The following MAPK4 variants were observed in gnomAD, a reference collection of about 807,000 sequenced individuals.
MAPK4 encodes mitogen-activated protein kinase 4, also known as Erk3-related.
In MAPK4, 22 loss-of-function variants were observed where a neutral mutation model predicts 47.7. The observed-to-expected ratio is 0.46, with a 90% confidence interval of 0.33 to 0.66. The LOEUF is 0.66. Ranked by LOEUF, MAPK4 falls within the 30% of genes least tolerant of loss-of-function variation. The probability of loss-of-function intolerance (pLI) is 0.02; values close to 1 mark genes in which losing one functional copy is unlikely to be tolerated. For missense variants in MAPK4, 736 were observed against 831.7 expected, an observed-to-expected ratio of 0.88 and a Z score of 1.42; for synonymous variants, 390 against 365.7, an observed-to-expected ratio of 1.07 and a Z score of -0.76.
rs183582240 is a variant in MAPK4 at position 50,685,158 on chromosome 18, A to C, written c.546+20654A>C. ...TCTCCATTCTGCTCCCAACTCACCA[A>C]GTGACCAGGAGCAAACATTACTGCC... On this transcript the variant is annotated intron_variant, in intron 2 of 5. Coordinates refer to ENST00000400384, the MANE Select transcript of MAPK4 (RefSeq NM_002747.4). Among the ~76,000 whole-genome samples, 3 of 152,334 alleles carry C rather than the reference A, an allele frequency of 2.0e-5. No individual in the cohort carries two copies. In the East Asian group the frequency reaches 5.8e-4, roughly 29 times the overall value.
In MAPK4 at chr18:50,713,540, G is replaced by A. The variant is rs546976388; in HGVS notation, c.547-1539G>A. Among the ~76,000 whole-genome samples the A allele has an allele frequency of 4.6e-5, 7 of 152,322 alleles. No individual in the cohort carries two copies. In the East Asian group the frequency reaches 1.4e-3, roughly 29 times the overall value. On this transcript the variant is annotated intron_variant, in intron 2 of 5. Coordinates refer to ENST00000400384, the MANE Select transcript of MAPK4 (RefSeq NM_002747.4). ...AGCAGTGTTTACTGAACACTTCTTA[G>A]GAGGCATGGGGCTGGGCTATGCGCA... is the stretch of plus-strand genomic sequence containing the variant.
chr18:50,635,699 T>G (rs1301216514), intron 1 of MAPK4, among the ~76,000 whole-genome samples: 3 of 152,210 alleles, frequency 2.0e-5, no homozygotes, highest in African/African-American at 7.2e-5. Flanking sequence ...TAAGACCCCA[T>G]GCCTGGTCCA....
chr18:50,721,999 A>G lies in MAPK4; in HGVS notation c.753A>G (p.Glu251=), dbSNP rs759399423. The G allele has an allele frequency of 3.7e-6, 6 of 1,614,110 alleles. No individual in the cohort carries two copies. The South Asian group carries it at 5.5e-5, about 15-fold the overall frequency. The change falls in exon 4 of 6, where the codon GAA becomes GAG. Residue 251 remains glutamate, a synonymous_variant. Transcript: ENST00000400384. ...ILETIPVIRE[E]DKDELLRVMP... ...AGACCATCCCTGTAATCCGGGAGGA[A>G]GACAAGGACGAGCTGCTCAGGGTGA...
At chr18:50,710,621 CA>C (rs546115047) in intron 2 of MAPK4, among the ~76,000 whole-genome samples, 3 of 148,914 alleles carry the variant, frequency 2.0e-5, no homozygotes, top group Non-Finnish European at 4.5e-5. Context: ...ACTAAAAATA[CA>C]AAAAAAAATT....
intron 2 of MAPK4, among the ~76,000 whole-genome samples, chr18:50,703,609 T>C (rs1027497018): frequency 2.0e-5 from 3 of 152,140 alleles, no homozygotes; most frequent in African/African-American, 7.2e-5. Context: ...AGGTATCGAG[T>C]TGATATGTTG....
At chr18:50,652,087 T>C (rs1047203661) in intron 1 of MAPK4, among the ~76,000 whole-genome samples, 2 of 152,168 alleles carry the variant, frequency 1.3e-5, no homozygotes, top group Non-Finnish European at 2.9e-5. Context: ...CATGAGTAAG[T>C]GGGCAGTGTT....
At chr18:50,673,304 G>C (rs1908070864) in intron 2 of MAPK4, among the ~76,000 whole-genome samples, 1 of 152,138 alleles carries the variant, frequency 6.6e-6, no homozygotes, top group Non-Finnish European at 1.5e-5. Flanking sequence ...ATGCCTCAAA[G>C]GGATCAACAG....
At chr18:50,631,997 T>C (rs1050167127) in intron 1 of MAPK4, among the ~76,000 whole-genome samples, 6 of 152,230 alleles carry the variant, frequency 3.9e-5, no homozygotes, top group South Asian at 4.2e-4. Context: ...AAGTGTTAGG[T>C]GTCTGTTGCT....
intron 1 of MAPK4, among the ~76,000 whole-genome samples, chr18:50,654,818 G>A (rs1184862851): frequency 1.3e-5 from 2 of 152,210 alleles, no homozygotes; most frequent in Non-Finnish European, 2.9e-5. Flanking sequence ...TGGTGCTGGA[G>A]TTCCGACGAG....
At chr18:50,636,398 G>A (rs116032639) in intron 1 of MAPK4, among the ~76,000 whole-genome samples, 1 of 152,312 alleles carries the variant, frequency 6.6e-6, no homozygotes, top group African/African-American at 2.4e-5. Flanking sequence ...CAAAGGGCAG[G>A]GCAGCTAGGA....
chr18:50,642,870 G>A (rs927069161), intron 1 of MAPK4, among the ~76,000 whole-genome samples: 6 of 152,186 alleles, frequency 3.9e-5, no homozygotes, highest in South Asian at 4.1e-4. Flanking sequence ...CTCCCAAAAC[G>A]CTGGGATTAT....
chr18:50,705,601 A>C (rs1423340281), intron 2 of MAPK4: 4 of 152,178 alleles, frequency 2.6e-5, no homozygotes, highest in African/African-American at 9.7e-5. Context: ...ATGTACCTGG[A>C]TGTTAATAAG....
At chr18:50,594,527 A>G (rs1011593325) in intron 1 of MAPK4, among the ~76,000 whole-genome samples, 1 of 152,218 alleles carries the variant, frequency 6.6e-6, no homozygotes, top group South Asian at 2.1e-4. Context: ...TGGTGCTAGA[A>G]AAAAATGGAT....
At chr18:50,631,969 A>G (rs977958447) in intron 1 of MAPK4, among the ~76,000 whole-genome samples, 3 of 152,178 alleles carry the variant, frequency 2.0e-5, no homozygotes, top group Non-Finnish European at 4.4e-5. Flanking sequence ...CACAAAGTGA[A>G]CTTGGAAAGT....
intron 5 of MAPK4, 64 bp downstream of exon 5, chr18:50,726,239 A>G: frequency 6.6e-7 from 1 of 1,511,082 alleles, no homozygotes. Flanking sequence ...TTTTGCCTCT[A>G]ATCCTCCGTG....
chr18:50,642,151 T>G (rs751087644), intron 1 of MAPK4, among the ~76,000 whole-genome samples: 6 of 152,232 alleles, frequency 3.9e-5, no homozygotes, highest in Non-Finnish European at 8.8e-5. Context: ...CTAAGCAATA[T>G]CCCAATTAAT....
intron 1 of MAPK4, among the ~76,000 whole-genome samples, chr18:50,589,612 A>AC (rs2042419197): frequency 3.3e-5 from 5 of 151,714 alleles, no homozygotes; most frequent in African/African-American, 1.2e-4. Context: ...AAAAAAAAAA[A>AC]ATTAACTCTA....
intron 2 of MAPK4, among the ~76,000 whole-genome samples, chr18:50,672,562 C>T (rs1908019425): frequency 6.6e-6 from 1 of 152,238 alleles, no homozygotes; most frequent in African/African-American, 2.4e-5. Context: ...GCTCTTCCCT[C>T]TGTCCCTGGG....
chr18:50,715,224 G>C lies in MAPK4; in HGVS notation c.691+1G>C, dbSNP rs1213349168. ...CTTACGGGGAGAATGCTCTTTGCTGGTGAGTTGCTAACTATGCCACCTTCC... is the reference window on the plus strand; with the variant it reads ...CTTACGGGGAGAATGCTCTTTGCTGCTGAGTTGCTAACTATGCCACCTTCC... On this transcript the variant is annotated splice_donor_variant, in intron 3 of 5. Transcript: ENST00000400384. LOFTEE classifies it high-confidence loss of function. The C allele has an allele frequency of 1.2e-6, 2 of 1,613,218 alleles. No homozygotes were observed. The highest frequency in any genetic ancestry group is 2.7e-5 in the African/African-American group (2 of 74,886).
Sources: gnomAD v4.1 joint callset for allele counts (sites outside exome capture counted in the v4.1 genomes callset) on GRCh38, gnomAD v4.1.1 for gene constraint, MANE v1.5 for transcripts, NCBI Gene and HGNC (gene_info 2026-07-23, HGNC 2026-07-21) for gene names.